ZNF624: variants seen among roughly 807,000 people sequenced by gnomAD.
ZNF624 encodes the protein zinc finger protein 624.
Under a neutral mutation model 74.7 loss-of-function variants are expected in ZNF624, and 43 were observed. The ratio of observed to expected loss-of-function variants is 0.58; its 90% CI spans 0.45 to 0.74. The LOEUF is 0.74. Among genes scored for constraint, ZNF624 ranks in the 30% least tolerant of loss-of-function variants. The probability of loss-of-function intolerance (pLI) is 0.00; values close to 1 mark genes in which losing one functional copy is unlikely to be tolerated. For missense variants in ZNF624, 820 were observed against 1,030.0 expected, an observed-to-expected ratio of 0.80 and a Z score of 2.79; for synonymous variants, 331 against 341.3, an observed-to-expected ratio of 0.97 and a Z score of 0.33.
chr17:16,623,049 T>A lies in ZNF624; in HGVS notation c.1837A>T (p.Lys613Ter). Residue 613 changes from lysine (K) to a stop codon, truncating the protein, a stop_gained, in exon 6 of 6, where the codon AAA (lysine) becomes TAA (stop). Coordinates refer to ENST00000311331, the MANE Select transcript of ZNF624 (RefSeq NM_020787.4). LOFTEE classifies it high-confidence loss of function. The surrounding 1 kb of genome is among the most constrained non-coding windows in gnomAD (Gnocchi z 5.3). ...QRIHTGEKPY[K>*]CTDCERAFTK... is the part of the protein sequence containing the mutation. The stretch of plus-strand genomic sequence containing the variant: ...AATGCCCTCTCGCAGTCAGTACATT[T>A]ATATGGTTTCTCTCCAGTGTGAATT... 6.2e-7 allele frequency: 1 copy of A among 1,614,038 alleles called. No individual in the cohort carries two copies. Among genetic ancestry groups the A allele is most frequent in the Non-Finnish European group, 8.5e-7 (1 of 1,179,954 alleles).
intron 4 of ZNF624, 112 bp downstream of exon 4, chr17:16,634,518 C>T: frequency 8.5e-7 from 1 of 1,181,410 alleles, no homozygotes; most frequent in Non-Finnish European, 1.2e-6. Context: ...CATAACCCAA[C>T]AATGTGCCCC....
intron 3 of ZNF624, among the ~76,000 whole-genome samples, chr17:16,643,530 G>A (rs978724006): frequency 1.3e-5 from 2 of 152,204 alleles, no homozygotes; most frequent in African/African-American, 2.4e-5. Context: ...GAGGGGGAAT[G>A]GAGAGTACTG....
At chr17:16,617,937 G>A (rs1010010743), downstream of ZNF624, 14 of 1,137,404 alleles carry the variant, frequency 1.2e-5, no homozygotes, top group African/African-American at 2.1e-4. Flanking sequence ...CCGCAAGCCA[G>A]TAGCCGCGGT....
At chr17:16,640,064 A>G (rs962769790) in intron 3 of ZNF624, among the ~76,000 whole-genome samples, 3 of 147,290 alleles carry the variant, frequency 2.0e-5, no homozygotes, top group Admixed American at 1.3e-4. Context: ...TAAAGATTTA[A>G]AAGAAATTGT....
chr17:16,623,438 C>T lies in ZNF624; in HGVS notation c.1448G>A (p.Ser483Asn). ...TATATGTACGATAAGGCTTGAATTACTTCTATAGGCTTTTCCACATTCGTT... is the reference window on the plus strand; with the variant it reads ...TATATGTACGATAAGGCTTGAATTATTTCTATAGGCTTTTCCACATTCGTT... ...RCNECGKAYR[S>N]NSSLIVHIRT... Residue 483 changes from serine to asparagine, a missense_variant, in exon 6 of 6, where the codon AGT becomes AAT. Ser to Asn is a conservative substitution (Grantham distance 46). Coordinates refer to ENST00000311331, the MANE Select transcript of ZNF624 (RefSeq NM_020787.4). The surrounding 1 kb of genome is among the most constrained non-coding windows in gnomAD (Gnocchi z 5.3). The T allele has an allele frequency of 6.2e-7, 1 of 1,613,842 alleles. No homozygotes were observed. The highest frequency in any genetic ancestry group is 1.1e-5 in the South Asian group (1 of 91,054).
chr17:16,617,492 G>A (rs925461722), downstream of ZNF624: 3 of 1,601,668 alleles, frequency 1.9e-6, no homozygotes, highest in African/African-American at 4.0e-5. Context: ...CCTGCTTGTC[G>A]CATAAAATCC....
chr17:16,648,223 C>G (rs2142655421), intron 2 of ZNF624, among the ~76,000 whole-genome samples: 1 of 151,998 alleles, frequency 6.6e-6, no homozygotes, highest in South Asian at 2.1e-4. Context: ...GGATTGCAGG[C>G]ATGAGCCACT....
At chr17:16,642,195 AC>A (rs1408357571) in intron 3 of ZNF624, among the ~76,000 whole-genome samples, 5 of 152,312 alleles carry the variant, frequency 3.3e-5, no homozygotes, top group African/African-American at 4.8e-5. Context: ...TTTTTTTAAA[AC>A]AATACTGAAA....
chr17:16,629,638 C>T (rs1021884633), intron 5 of ZNF624, among the ~76,000 whole-genome samples: 1 of 152,180 alleles, frequency 6.6e-6, no homozygotes, highest in African/African-American at 2.4e-5. Flanking sequence ...GCAATCTCAG[C>T]TCATTGCAAC....
chr17:16,616,972 G>C (rs1175527904), downstream of ZNF624: 13 of 1,596,540 alleles, frequency 8.1e-6, no homozygotes, highest in Admixed American at 1.7e-5. Flanking sequence ...ACCAGGTAGC[G>C]GCGAATTGGA....
At chr17:16,647,261 T>C (rs922322318) in intron 3 of ZNF624, 68 bp downstream of exon 3, 92 of 1,313,482 alleles carry the variant, frequency 7.0e-5, no homozygotes, top group East Asian at 6.4e-4. Flanking sequence ...ACTGGGAACA[T>C]TGAGAATCAG....
At chr17:16,651,524 G>C (rs1909723946) in intron 1 of ZNF624, among the ~76,000 whole-genome samples, 1 of 152,088 alleles carries the variant, frequency 6.6e-6, no homozygotes, top group Admixed American at 6.5e-5. Context: ...GGTTTTGGTG[G>C]AAGAGAAACA....
Position 16,623,127 on chromosome 17 carries a change from T to C in ZNF624, c.1759A>G (p.Asn587Asp), listed in dbSNP as rs778109142. The C allele has an allele frequency of 8.7e-6, 14 of 1,613,926 alleles. No homozygotes were observed. The highest frequency in any genetic ancestry group is 1.1e-5 in the Non-Finnish European group (13 of 1,179,982). ...ATTCTGAAAGACTCCCCACATTCAT[T>C]GCACAGATAAGGTTTCTCTTCAGTA... ...IHTEEKPYLC[N>D]ECGESFRIKS... The change falls in exon 6 of 6, where the codon AAT becomes GAT. Residue 587 changes from asparagine to aspartate, a missense_variant. Asn to Asp is a conservative substitution (Grantham distance 23, BLOSUM62 1). Transcript: ENST00000311331. The surrounding 1 kb of genome is among the most constrained non-coding windows in gnomAD (Gnocchi z 5.3).
intron 5 of ZNF624, among the ~76,000 whole-genome samples, chr17:16,633,226 G>A (rs1909245711): frequency 6.6e-6 from 1 of 152,130 alleles, no homozygotes; most frequent in African/African-American, 2.4e-5. Flanking sequence ...TCTTCATGAA[G>A]GCAGGGACCT....
intron 1 of ZNF624, among the ~76,000 whole-genome samples, chr17:16,650,634 G>C (rs1909702993): frequency 6.6e-6 from 1 of 152,110 alleles, no homozygotes; most frequent in South Asian, 2.1e-4. Flanking sequence ...TTTGGTTCAA[G>C]AACCAGGAGT....
chr17:16,615,113 T>C, the ZNF624 span, among the ~76,000 whole-genome samples: 1 of 152,162 alleles, frequency 6.6e-6, no homozygotes, highest in South Asian at 2.1e-4. Context: ...CTTTTTTATT[T>C]TGGAGATGGA....
chr17:16,620,422 CT>C (rs1284611888), downstream of ZNF624, among the ~76,000 whole-genome samples: 4 of 152,172 alleles, frequency 2.6e-5, no homozygotes, highest in African/African-American at 9.7e-5. Context: ...CCACTGTGAC[CT>C]TTTCTTTGGT....
At chr17:16,615,827 G>T (rs1908780539), downstream of ZNF624, among the ~76,000 whole-genome samples, 1 of 151,706 alleles carries the variant, frequency 6.6e-6, no homozygotes, top group African/African-American at 2.4e-5. Context: ...AAAGAATGAT[G>T]TAAAACTGAC....
At chr17:16,641,395 G>A (rs927122518) in intron 3 of ZNF624, among the ~76,000 whole-genome samples, 6 of 152,014 alleles carry the variant, frequency 3.9e-5, no homozygotes, top group African/African-American at 1.5e-4. Context: ...GGATCCTCCC[G>A]TCTCAGCATC....
Sources: gnomAD v4.1 joint callset for allele counts (sites outside exome capture counted in the v4.1 genomes callset) on GRCh38, gnomAD v4.1.1 for gene constraint, Gnocchi (gnomAD v3.1) non-coding constraint, MANE v1.5 for transcripts, NCBI Gene and HGNC (gene_info 2026-07-23, HGNC 2026-07-21) for gene names.